GMDS: variants seen among roughly 807,000 people sequenced by gnomAD.
GMDS encodes the protein GDP-mannose 4,6 dehydratase.
Under a neutral mutation model 49.9 loss-of-function variants are expected in GMDS, and 20 were observed. The observed-to-expected ratio is 0.40, with a 90% confidence interval of 0.28 to 0.58. The LOEUF is 0.58. Ranked by LOEUF, GMDS falls within the 20% of genes least tolerant of loss-of-function variation. The pLI is 0.42. For synonymous variants in GMDS, 177 were observed against 178.6 expected, an observed-to-expected ratio of 0.99 and a Z score of 0.07; for missense variants, 362 against 481.4, an observed-to-expected ratio of 0.75 and a Z score of 2.32.
chr6:1,780,686 G>T (rs1389199985), intron 7 of GMDS, among the ~76,000 whole-genome samples: 1 of 152,222 alleles, frequency 6.6e-6, no homozygotes, highest in Non-Finnish European at 1.5e-5. Flanking sequence ...GGTGCCGGCA[G>T]CATCAACACG....
chr6:1,715,355 T>C (rs1766136704), intron 9 of GMDS, among the ~76,000 whole-genome samples: 1 of 152,256 alleles, frequency 6.6e-6, no homozygotes, highest in African/African-American at 2.4e-5. Context: ...ATTTTGGTTC[T>C]ATCAGAGCTG....
rs928430797 is a variant in GMDS, at chr6:2,191,618, G to C, written c.102+53703C>G. Among the ~76,000 whole-genome samples the C allele has an allele frequency of 2.0e-5, 3 of 152,208 alleles. No homozygotes were observed. Among genetic ancestry groups the C allele is most frequent in the African/African-American group, 7.2e-5 (3 of 41,466 alleles). ...CTGCTATGATCTCCGAATGGGGTTGGGGCCAAGCCGGGGAGCTGTCACAGC... is the reference window on the plus strand; with the variant it reads ...CTGCTATGATCTCCGAATGGGGTTGCGGCCAAGCCGGGGAGCTGTCACAGC... On this transcript the variant is annotated intron_variant, in intron 1 of 10. Transcript: ENST00000380815. The surrounding 1 kb of genome is among the most constrained non-coding windows in gnomAD (Gnocchi z 4.6).
rs755108437 is a variant in GMDS, at chr6:1,632,946, G to A, written c.988-8406C>T. The stretch of plus-strand genomic sequence containing the variant: ...TGCTGGAGAGACCTGGAATCACAAC[G>A]TGGCTCAACCACTTAACTCTTTCTT... On this transcript the variant is annotated intron_variant, in intron 9 of 10. Transcript: ENST00000380815. Among the ~76,000 whole-genome samples, 8 of 152,206 alleles carry A rather than the reference G, an allele frequency of 5.3e-5. No individual in the cohort carries two copies. The East Asian group carries it at 9.6e-4, about 18-fold the overall frequency.
At chr6:1,697,963 T>C (rs1029943962) in intron 9 of GMDS, among the ~76,000 whole-genome samples, 6 of 152,188 alleles carry the variant, frequency 3.9e-5, no homozygotes, top group Non-Finnish European at 7.3e-5. Context: ...AGTATCTCCG[T>C]AAAGTAACAC....
chr6:2,136,639 G>A (rs1414800516), intron 1 of GMDS, among the ~76,000 whole-genome samples: 1 of 152,142 alleles, frequency 6.6e-6, no homozygotes, highest in Admixed American at 6.5e-5. Flanking sequence ...AAGATTGCTT[G>A]TAGTCCAGAA....
In GMDS at chr6:1,624,037, G is replaced by C. The variant is rs187565637; in HGVS notation, c.*132C>G. 3.9e-6 allele frequency: 3 copies of C among 761,758 alleles called. No homozygotes were observed. The highest frequency in any genetic ancestry group is 6.4e-6 in the Non-Finnish European group (3 of 468,354). The allele number at this position is 761,758 out of a possible 1,614,324, so 47.2% of individuals were successfully genotyped here. A position where few individuals can be genotyped will look rare whatever the true frequency, so the allele number is the denominator to read the frequency against. ...GGGGCGGCCCCGCTCTTGCGGCCGG[G>C]ACAGCGCAGCGGCAGCAGGGGCCGC... On this transcript the variant is annotated 3_prime_UTR_variant, in exon 11 of 11. Transcript: ENST00000380815.
intron 6 of GMDS, among the ~76,000 whole-genome samples, chr6:1,937,906 C>T (rs1488734730): frequency 1.3e-5 from 2 of 152,120 alleles, no homozygotes; most frequent in African/African-American, 2.4e-5. Context: ...GGTGCGGTGG[C>T]TCATGCCTAT....
intron 7 of GMDS, among the ~76,000 whole-genome samples, chr6:1,783,356 G>T (rs556552842): frequency 6.6e-6 from 1 of 152,164 alleles, no homozygotes; most frequent in Admixed American, 6.5e-5. Context: ...GTCTTAATGG[G>T]CTCTGATATT....
intron 9 of GMDS, among the ~76,000 whole-genome samples, chr6:1,677,818 G>C (rs982394063): frequency 7.6e-5 from 8 of 105,378 alleles, no homozygotes; most frequent in Admixed American, 2.6e-4. Context: ...AGGGGGGAGG[G>C]ATAGCATTAG....
Position 1,778,913 on chromosome 6 carries a change from C to T in GMDS, c.772-36327G>A, listed in dbSNP as rs1381913556. Among the ~76,000 whole-genome samples the T allele has an allele frequency of 6.6e-6, 1 of 152,124 alleles. No homozygotes were observed. The highest frequency in any genetic ancestry group is 1.5e-5 in the Non-Finnish European group (1 of 68,028). On this transcript the variant is annotated intron_variant, in intron 7 of 10. Transcript: ENST00000380815. The surrounding 1 kb of genome is among the most constrained non-coding windows in gnomAD (Gnocchi z 4.6). Reference sequence around the variant, plus strand: ...TTCCAACCCCAACACCCCTGCTGCCCTCCTGGTTCAGGTTTCTTATTGCCG... The same window carrying T: ...TTCCAACCCCAACACCCCTGCTGCCTTCCTGGTTCAGGTTTCTTATTGCCG...
chr6:1,890,869 T>A (rs569836006), intron 7 of GMDS, among the ~76,000 whole-genome samples: 1 of 152,212 alleles, frequency 6.6e-6, no homozygotes, highest in Non-Finnish European at 1.5e-5. Context: ...TACTATTTTT[T>A]ACCCCAGCCG....
intron 1 of GMDS, among the ~76,000 whole-genome samples, chr6:2,181,035 C>G (rs1163877893): frequency 6.6e-6 from 1 of 151,830 alleles, no homozygotes; most frequent in East Asian, 1.9e-4. Context: ...GACGTAGTGA[C>G]TACACCTGGG....
At chr6:2,113,786 C>T (rs1458863781) in intron 4 of GMDS, among the ~76,000 whole-genome samples, 1 of 152,114 alleles carries the variant, frequency 6.6e-6, no homozygotes, top group Non-Finnish European at 1.5e-5. Flanking sequence ...CGTACTGTAC[C>T]ATGCATGACA....
At chr6:1,674,105 T>C (rs1332971214) in intron 9 of GMDS, among the ~76,000 whole-genome samples, 2 of 151,744 alleles carry the variant, frequency 1.3e-5, no homozygotes, top group Non-Finnish European at 2.9e-5. Flanking sequence ...ATTGCAAACA[T>C]TCGTGCAAAG....
chr6:1,973,941 T>C (rs375243366), intron 4 of GMDS, among the ~76,000 whole-genome samples: 133 of 152,312 alleles, frequency 8.7e-4, no homozygotes, highest in African/African-American at 3.1e-3. Flanking sequence ...CTAAGGCTTC[T>C]AGGCAGGACA....
chr6:1,960,685 G>A, intron 5 of GMDS, 89 bp downstream of exon 5: 1 of 815,936 alleles, frequency 1.2e-6, no homozygotes, highest in Non-Finnish European at 1.9e-6. Context: ...TCAGCTGTGA[G>A]ACATGAACAG....
intron 4 of GMDS, among the ~76,000 whole-genome samples, chr6:2,009,993 G>C (rs1767449476): frequency 6.6e-6 from 1 of 152,064 alleles, no homozygotes; most frequent in African/African-American, 2.4e-5. Flanking sequence ...TCTGATCCAA[G>C]AAACCCAACG....
chr6:1,938,043 T>C (rs1322290744), intron 6 of GMDS, among the ~76,000 whole-genome samples: 1 of 152,148 alleles, frequency 6.6e-6, no homozygotes, highest in Non-Finnish European at 1.5e-5. Context: ...TTGAAATACA[T>C]GATAAAACAT....
Position 1,778,468 on chromosome 6 carries a change from A to G in GMDS, c.772-35882T>C, listed in dbSNP as rs1768931741. Reference sequence around the variant, plus strand: ...CTGAGGAGTGGCCAAGGAACTGTGGAATTCAAGAGGAGGGGGCAGCCTTCC... The same window carrying G: ...CTGAGGAGTGGCCAAGGAACTGTGGGATTCAAGAGGAGGGGGCAGCCTTCC... On this transcript the variant is annotated intron_variant, in intron 7 of 10. Transcript: ENST00000380815. The surrounding 1 kb of genome is among the most constrained non-coding windows in gnomAD (Gnocchi z 4.6). Among the ~76,000 whole-genome samples the G allele has an allele frequency of 6.6e-6, 1 of 152,168 alleles. No individual in the cohort carries two copies. Among genetic ancestry groups the G allele is most frequent in the South Asian group, 2.1e-4 (1 of 4,820 alleles).
Sources: allele counts gnomAD v4.1 joint callset (sites outside exome capture counted in the v4.1 genomes callset), GRCh38; gene constraint gnomAD v4.1.1; non-coding constraint Gnocchi (gnomAD v3.1); transcripts MANE v1.5; gene names NCBI Gene and HGNC (gene_info 2026-07-23, HGNC 2026-07-21).